Variants in CHD9 observed in about 807,000 individuals in gnomAD.
The protein encoded by CHD9 is chromodomain helicase DNA binding protein 9.
A neutral mutation model predicts 316.1 loss-of-function variants in CHD9; 77 were observed. The ratio of observed to expected loss-of-function variants is 0.24; its 90% CI spans 0.20 to 0.29. CHD9 has a LOEUF of 0.29. CHD9 is among the 10% of genes least tolerant of loss of function. The pLI, the probability that CHD9 is intolerant of heterozygous loss-of-function variation, is 1.00. For missense variants in CHD9, 2,763 were observed against 3,438.1 expected (o/e 0.80, Z 4.91); for synonymous variants, 1,129 against 1,158.3 (o/e 0.97, Z 0.51).
intron 1 of CHD9, among the ~76,000 whole-genome samples, chr16:53,094,781 A>C (rs2036243921): frequency 6.6e-6 from 1 of 151,544 alleles, no homozygotes; most frequent in Non-Finnish European, 1.5e-5. Context: ...CTGGAATTAC[A>C]GGCATGCACC....
intron 1 of CHD9, among the ~76,000 whole-genome samples, chr16:53,092,506 T>A (rs946417783): frequency 2.0e-5 from 3 of 152,090 alleles, no homozygotes; most frequent in African/African-American, 7.2e-5. Context: ...CCCATGAAGG[T>A]GATTTGGGAG....
chr16:53,208,577 G>A (rs1375931096), intron 2 of CHD9: 5 of 1,016,688 alleles, frequency 4.9e-6, no homozygotes, highest in Non-Finnish European at 5.9e-6. Flanking sequence ...CAGTGCTGCA[G>A]TGCTGCTATG....
At chr16:53,310,882 A>T (rs2056416805) in intron 34 of CHD9, 1 of 148,222 alleles carries the variant, frequency 6.7e-6, no homozygotes, top group Non-Finnish European at 1.5e-5. Flanking sequence ...TAATAATAAT[A>T]ATAATAATAT....
At chr16:53,231,535 TAAG>T (rs756386632) in intron 9 of CHD9, 30 bp downstream of exon 9, 1 of 1,453,104 alleles carries the variant, frequency 6.9e-7, no homozygotes, top group Admixed American at 1.9e-5. Context: ...ATTTTTTAAG[TAAG>T]AAAAATCTGA....
chr16:53,320,937 T>C (rs971230649), intron 37 of CHD9, among the ~76,000 whole-genome samples: 25 of 152,166 alleles, frequency 1.6e-4, no homozygotes, highest in African/African-American at 5.3e-4. Flanking sequence ...TTATATAAAT[T>C]CTCTGAGGCT....
intron 13 of CHD9, among the ~76,000 whole-genome samples, chr16:53,243,350 G>A (rs1227236519): frequency 1.3e-5 from 2 of 152,134 alleles, no homozygotes; most frequent in Admixed American, 6.5e-5. Context: ...TTTCTCTCTT[G>A]CTGCCCAGGC....
At chr16:53,071,907 C>T (rs1175520338) in intron 1 of CHD9, among the ~76,000 whole-genome samples, 5 of 152,154 alleles carry the variant, frequency 3.3e-5, no homozygotes, top group Non-Finnish European at 5.9e-5. Flanking sequence ...TGTCACTCAA[C>T]GGTTTGGGGG....
chr16:53,137,622 C>T (rs1313639044), intron 1 of CHD9, among the ~76,000 whole-genome samples: 1 of 152,124 alleles, frequency 6.6e-6, no homozygotes, highest in Non-Finnish European at 1.5e-5. Context: ...ATTTTGTGCT[C>T]TTCTTTAATC....
At chr16:53,131,051 C>T (rs1272035338) in intron 1 of CHD9, 4 of 73,252 alleles carry the variant, frequency 5.5e-5, no homozygotes, top group East Asian at 8.5e-4. Context: ...GGCCTGGCCG[C>T]GCAGCCGGTA....
At chr16:53,266,366 T>G (rs1172338529) in intron 20 of CHD9, among the ~76,000 whole-genome samples, 1 of 152,180 alleles carries the variant, frequency 6.6e-6, no homozygotes, top group East Asian at 1.9e-4. Context: ...GTCCCTGCCT[T>G]CTCTCCTACC....
intron 36 of CHD9, among the ~76,000 whole-genome samples, chr16:53,317,163 CAAA>C (rs537619212): frequency 4.9e-5 from 4 of 81,744 alleles, no homozygotes; most frequent in Non-Finnish European, 4.7e-5. Flanking sequence ...AACTCCATCT[CAAA>C]AAAAAAAAAA....
At chr16:53,102,907 G>A (rs1028852333) in intron 1 of CHD9, among the ~76,000 whole-genome samples, 1 of 151,974 alleles carries the variant, frequency 6.6e-6, no homozygotes, top group South Asian at 2.1e-4. Context: ...GTGCATTGGC[G>A]CAGTCTCGGC....
At position 53,301,689 on chromosome 16, in the gene CHD9, T is replaced by A. The variant is rs2055434980; in HGVS notation, c.5714-2031T>A. Among the ~76,000 whole-genome samples the A allele has an allele frequency of 2.0e-5, 3 of 152,088 alleles. No homozygotes were observed. The South Asian group carries it at 6.2e-4, about 31-fold the overall frequency. The stretch of plus-strand genomic sequence containing the variant: ...AAATTTTTTTGTTTTGAACTACTTT[T>A]AAAATTACAGAAGAGTACAAAAAAT... On this transcript the variant is annotated intron_variant, in intron 30 of 38. Transcript: ENST00000447540.
At chr16:53,168,161 G>A (rs1328064929) in intron 2 of CHD9, among the ~76,000 whole-genome samples, 2 of 151,882 alleles carry the variant, frequency 1.3e-5, no homozygotes, top group African/African-American at 4.8e-5. Flanking sequence ...TCCCGGGTTC[G>A]AACAATTCTC....
At chr16:53,184,503 A>ATTTTTG (rs1210419646) in intron 2 of CHD9, among the ~76,000 whole-genome samples, 5 of 151,970 alleles carry the variant, frequency 3.3e-5, no homozygotes, top group Admixed American at 2.6e-4. Context: ...TGCCCAGTGA[A>ATTTTTG]TTTTTGTTTT....
At chr16:53,208,645 A>C in intron 2 of CHD9, 1 of 991,922 alleles carries the variant, frequency 1.0e-6, no homozygotes, top group African/African-American at 1.7e-5. Context: ...TGGAATCAGC[A>C]TGAAAATGTG....
intron 2 of CHD9, among the ~76,000 whole-genome samples, chr16:53,186,421 A>G (rs1383601575): frequency 6.6e-6 from 1 of 152,224 alleles, no homozygotes; most frequent in Admixed American, 6.5e-5. Flanking sequence ...CATTGTATCT[A>G]GGAAGTAACT....
chr16:53,285,758 TCTCA>T, intron 25 of CHD9, 59 bp downstream of exon 25: 5 of 865,086 alleles, frequency 5.8e-6, no homozygotes, highest in Non-Finnish European at 9.2e-6. Context: ...TTCTGTCAGT[TCTCA>T]GTTCATTGAT....
chr16:53,181,010 A>AT lies in CHD9; in HGVS notation c.1452+23486dup, dbSNP rs202227552. 3.1e-3 allele frequency among the ~76,000 whole-genome samples: 409 copies of AT among 133,238 alleles called. 4 individuals carry two copies. The South Asian group carries it at 0.032, about 10-fold the overall frequency. 87.4% of individuals were successfully genotyped at this position (133,238 alleles called of 152,430 possible). On this transcript the variant is annotated intron_variant, in intron 2 of 38. Coordinates refer to ENST00000447540, the MANE Select transcript of CHD9 (RefSeq NM_001308319.2). Reference sequence around the variant, plus strand: ...ATCTCTAATAAGTATGAGAGACACGATTTTTTTTTTTTTTTTTGAGACAGA... The same window carrying AT: ...ATCTCTAATAAGTATGAGAGACACGATTTTTTTTTTTTTTTTTTGAGACAGA...
Sources: allele counts gnomAD v4.1 joint callset (sites outside exome capture counted in the v4.1 genomes callset), GRCh38; gene constraint gnomAD v4.1.1; transcripts MANE v1.5; gene names NCBI Gene and HGNC (gene_info 2026-07-23, HGNC 2026-07-21).